SPTSSB: variants seen among roughly 807,000 people sequenced by gnomAD.
SPTSSB encodes androgen down regulated in mouse prostate.
In SPTSSB, 6 loss-of-function variants were observed where a neutral mutation model predicts 7.7. The ratio of observed to expected loss-of-function variants is 0.78; its 90% CI spans 0.43 to 1.54. The LOEUF (loss-of-function observed/expected upper bound fraction) is 1.54. SPTSSB is among the 40% of genes most tolerant of loss of function. The pLI is 0.01. For synonymous variants in SPTSSB, 28 were observed against 29.7 expected, an observed-to-expected ratio of 0.94 and a Z score of 0.19; for missense variants, 91 against 93.0, an observed-to-expected ratio of 0.98 and a Z score of 0.09.
Position 161,351,442 on chromosome 3 carries a change from ACTT to A in SPTSSB, c.-32-5090_-32-5088del, listed in dbSNP as rs1481961313. On this transcript the variant is annotated intron_variant, in intron 2 of 2. Transcript: ENST00000620149. ...CTCCAGTGAACTTTGCTGAAGCTTT[ACTT>A]CCTATCTGGAAAATTTTTCCCAATA... 2.0e-5 allele frequency among the ~76,000 whole-genome samples: 3 copies of A among 152,198 alleles called. No homozygotes were observed. In the East Asian group the frequency reaches 5.8e-4, roughly 29 times the overall value.
rs761405861 is a variant in SPTSSB, at chr3:161,346,215, T to A, written c.109A>T (p.Ile37Phe). 6.2e-7 allele frequency: 1 copy of A among 1,613,104 alleles called. No homozygotes were observed. The highest frequency in any genetic ancestry group is 8.5e-7 in the Non-Finnish European group (1 of 1,179,080). ...EPWERSMFNT[I>F]LLTIIAMVVY... ...ACCATAGCAATAATGGTTAGTAAGA[T>A]GGTGTTAAACATAGATCGCTCCCAG... Residue 37 changes from isoleucine (I) to phenylalanine (F), a missense_variant, in exon 3 of 3, where the codon ATC becomes TTC. Coordinates refer to ENST00000620149, the MANE Select transcript of SPTSSB (RefSeq NM_001040100.2).
At chr3:161,369,139 A>G (rs1426729593) in intron 1 of SPTSSB, among the ~76,000 whole-genome samples, 2 of 152,120 alleles carry the variant, frequency 1.3e-5, no homozygotes, top group Non-Finnish European at 2.9e-5. Flanking sequence ...AGGAACGATC[A>G]AACTCTCTTC....
In SPTSSB at chr3:161,346,316, A is replaced by C. The variant is rs912512233; in HGVS notation, c.8T>G (p.Leu3Trp). 6.2e-6 allele frequency: 10 copies of C among 1,609,588 alleles called. No individual in the cohort carries two copies. Among genetic ancestry groups the C allele is most frequent in the Non-Finnish European group, 8.5e-6 (10 of 1,176,126 alleles). Reference sequence around the variant, plus strand: ...GGAGAAATATTCCTTCACACGCCTCAAATCCATGGTTGGCTCCTTCAAGCT... The same window carrying C: ...GGAGAAATATTCCTTCACACGCCTCCAATCCATGGTTGGCTCCTTCAAGCT... MD[L>W]RRVKEYFSWL... is the part of the protein sequence containing the mutation. Residue 3 changes from leucine (L) to tryptophan (W), a missense_variant, in exon 3 of 3, where the codon TTG (leucine) becomes TGG (tryptophan). Leu to Trp is a moderately conservative substitution (Grantham distance 61). Transcript: ENST00000620149.
At chr3:161,346,769 A>T (rs73017388) in intron 2 of SPTSSB, among the ~76,000 whole-genome samples, 2,464 of 152,298 alleles carry the variant, frequency 0.016, 75 homozygotes, top group African/African-American at 0.056. Flanking sequence ...ATTATGAGTC[A>T]AATGGATAGA....
chr3:161,370,612 T>C (rs1387460339), intron 1 of SPTSSB, among the ~76,000 whole-genome samples: 2 of 152,232 alleles, frequency 1.3e-5, no homozygotes, highest in African/African-American at 2.4e-5. Flanking sequence ...CACCACAAAA[T>C]CTTTTTGAAA....
At chr3:161,363,299 G>T (rs1715084892) in intron 1 of SPTSSB, among the ~76,000 whole-genome samples, 1 of 151,564 alleles carries the variant, frequency 6.6e-6, no homozygotes, top group Non-Finnish European at 1.5e-5. Context: ...AATGTCTCTA[G>T]AAATAGTACA....
chr3:161,349,374 T>C (rs1714415138), intron 2 of SPTSSB, among the ~76,000 whole-genome samples: 1 of 152,214 alleles, frequency 6.6e-6, no homozygotes, highest in Admixed American at 6.5e-5. Flanking sequence ...TAGAACTAGA[T>C]GATAGCAAAC....
chr3:161,370,851 G>A (rs568884860), intron 1 of SPTSSB, among the ~76,000 whole-genome samples: 8 of 152,284 alleles, frequency 5.3e-5, no homozygotes, highest in South Asian at 2.1e-4. Context: ...TAACTATTTA[G>A]CTAACTCTAG....
intron 1 of SPTSSB, among the ~76,000 whole-genome samples, chr3:161,360,687 C>T (rs1714971488): frequency 6.6e-6 from 1 of 152,070 alleles, no homozygotes; most frequent in South Asian, 2.1e-4. Context: ...ATCAAATTTC[C>T]AGATGATCCC....
intron 2 of SPTSSB, among the ~76,000 whole-genome samples, chr3:161,348,669 C>CT (rs1324270506): frequency 6.6e-6 from 1 of 152,192 alleles, no homozygotes; most frequent in Non-Finnish European, 1.5e-5. Flanking sequence ...TTCTGCACTG[C>CT]TAACCATTTA....
chr3:161,362,817 A>G (rs1236031001), intron 1 of SPTSSB, among the ~76,000 whole-genome samples: 2 of 152,094 alleles, frequency 1.3e-5, no homozygotes, highest in African/African-American at 4.8e-5. Context: ...AGTGAGTAGT[A>G]GTGATATTAT....
chr3:161,362,990 T>A (rs540482642), intron 1 of SPTSSB, among the ~76,000 whole-genome samples: 1 of 152,092 alleles, frequency 6.6e-6, no homozygotes, highest in East Asian at 1.9e-4. Flanking sequence ...TGTATGTATA[T>A]CATTTGTAAA....
At chr3:161,357,501 G>A (rs1182882141) in intron 2 of SPTSSB, among the ~76,000 whole-genome samples, 3 of 152,202 alleles carry the variant, frequency 2.0e-5, no homozygotes, top group African/African-American at 4.8e-5. Context: ...TTGTCAGGGC[G>A]AAGGCCAGAG....
At chr3:161,362,387 C>G (rs1157730888) in intron 1 of SPTSSB, among the ~76,000 whole-genome samples, 2 of 152,096 alleles carry the variant, frequency 1.3e-5, no homozygotes, top group Non-Finnish European at 2.9e-5. Context: ...CTCCACCTCC[C>G]CATGACAGAC....
rs139242013 is a variant in SPTSSB at position 161,362,024 on chromosome 3, C to A, written c.-125-2130G>T. On this transcript the variant is annotated intron_variant, in intron 1 of 2. Transcript: ENST00000620149. Reference sequence around the variant, plus strand: ...GGCCAACCTGATTGATTTATTTTTTCTTTGTTCAAAGTTTTAGGCAATAAA... The same window carrying A: ...GGCCAACCTGATTGATTTATTTTTTATTTGTTCAAAGTTTTAGGCAATAAA... 4.3e-3 allele frequency among the ~76,000 whole-genome samples: 655 copies of A among 152,078 alleles called. 3 individuals carry two copies. Among genetic ancestry groups the A allele is most frequent in the African/African-American group, 0.015 (627 of 41,514 alleles).
chr3:161,352,667 C>T (rs1336620172), intron 2 of SPTSSB, among the ~76,000 whole-genome samples: 3 of 152,158 alleles, frequency 2.0e-5, no homozygotes, highest in Non-Finnish European at 4.4e-5. Context: ...CTTAATATTT[C>T]CACAGCACAA....
intron 1 of SPTSSB, among the ~76,000 whole-genome samples, chr3:161,367,910 T>G (rs1269597190): frequency 6.6e-6 from 1 of 152,148 alleles, no homozygotes; most frequent in African/African-American, 2.4e-5. Flanking sequence ...ACTAGACATA[T>G]CTAGAAGTAG....
chr3:161,344,870 A>T lies in SPTSSB; in HGVS notation c.*1223T>A, dbSNP rs1560100566. 1 of 152,602 alleles carries T rather than the reference A, an allele frequency of 6.6e-6. No homozygotes were observed. Among genetic ancestry groups the T allele is most frequent in the African/African-American group, 2.4e-5 (1 of 41,464 alleles). 9.5% of individuals were successfully genotyped at this position (152,602 alleles called of 1,614,324 possible). On this transcript the variant is annotated 3_prime_UTR_variant, in exon 3 of 3. Coordinates refer to ENST00000620149, the MANE Select transcript of SPTSSB (RefSeq NM_001040100.2). ...TTCAGATCTGGTTTCTCTTCAAAACATGTGTTTGTTTTTTTAACAAACATG... is the reference window on the plus strand; with the variant it reads ...TTCAGATCTGGTTTCTCTTCAAAACTTGTGTTTGTTTTTTTAACAAACATG...
intron 2 of SPTSSB, among the ~76,000 whole-genome samples, chr3:161,348,709 T>TG (rs1481607697): frequency 2.0e-5 from 3 of 152,186 alleles, no homozygotes; most frequent in Non-Finnish European, 4.4e-5. Flanking sequence ...ATTTTTTTTT[T>TG]GCCAGTTACC....
Sources: allele counts gnomAD v4.1 joint callset (sites outside exome capture counted in the v4.1 genomes callset), GRCh38; gene constraint gnomAD v4.1.1; transcripts MANE v1.5; gene names NCBI Gene and HGNC (gene_info 2026-07-23, HGNC 2026-07-21).